MTMR8: variants seen among roughly 807,000 people sequenced by gnomAD.
MTMR8 encodes the protein phosphatidylinositol-3,5-bisphosphate 3-phosphatase MTMR8.
MTMR8 carries 65 observed loss-of-function variants against 39.3 expected under a neutral mutation model. The ratio of observed to expected loss-of-function variants is 1.65; its 90% CI spans 1.35 to 2.03. The LOEUF (loss-of-function observed/expected upper bound fraction) is 2.03, where lower values mean the gene tolerates loss of function less well. Among genes scored for constraint, MTMR8 ranks in the 30% most tolerant of loss-of-function variants. The pLI, the probability that MTMR8 is intolerant of heterozygous loss-of-function variation, is 0.00. For missense variants in MTMR8, 777 were observed against 538.9 expected (o/e 1.44, Z -4.37); for synonymous variants, 245 against 185.2 (o/e 1.32, Z -2.62).
At position 64,345,171 on chromosome X, in the gene MTMR8, C is replaced by T. The variant is rs768174114; in HGVS notation, c.739G>A (p.Ala247Thr). ...TTCCCAGCTGCTCGGTTGGCCATGG[C>T]ATTCAACTGCAATAGCAGAGGACAT... is the stretch of plus-strand genomic sequence containing the variant. ...YVVDTRPKLNAMANRAAGKGY... is the reference protein window; with the variant it reads ...YVVDTRPKLNTMANRAAGKGY... Residue 247 changes from alanine to threonine, a missense_variant, in exon 7 of 14, where the codon GCC becomes ACC. Transcript: ENST00000374852. 1 of 1,210,578 alleles carries T rather than the reference C, an allele frequency of 8.3e-7. No homozygotes were observed. Among genetic ancestry groups the T allele is most frequent in the Non-Finnish European group, 1.1e-6 (1 of 894,719 alleles).
Position 64,395,422 on chromosome X carries a change from T to C in MTMR8, c.-59A>G. The C allele has an allele frequency of 2.6e-6, 3 of 1,152,311 alleles. No individual in the cohort carries two copies. Among genetic ancestry groups the C allele is most frequent in the Non-Finnish European group, 3.5e-6 (3 of 846,059 alleles). 95.0% of individuals were successfully genotyped at this position (1,152,311 alleles called of 1,213,427 possible). On this transcript the variant is annotated 5_prime_UTR_variant, in exon 1 of 14. Transcript: ENST00000374852. ...CTACTCCAGATGCCGCCGCCACCGG[T>C]CTAGCCGCCTCCTGCCTCAACCCGG...
chrX:64,328,810 A>G lies in MTMR8; in HGVS notation c.1443T>C (p.Tyr481=), dbSNP rs1439385216. 8.3e-7 allele frequency: 1 copy of G among 1,200,262 alleles called. No homozygotes were observed. The highest frequency in any genetic ancestry group is 1.8e-5 in the African/African-American group (1 of 57,052). ...RNPLYKGFTM[Y]GVLNPSTVPY... is the part of the protein sequence containing the mutation. ...GCACAGTACTAGGATTGAGTACCCCATACATAGTGAAGCCTTTATAGAGAG... is the reference window on the plus strand; with the variant it reads ...GCACAGTACTAGGATTGAGTACCCCGTACATAGTGAAGCCTTTATAGAGAG... Residue 481 remains tyrosine (Y), a synonymous_variant, in exon 12 of 14, where the codon TAT becomes TAC. Coordinates refer to ENST00000374852, the MANE Select transcript of MTMR8 (RefSeq NM_017677.4).
intron 1 of MTMR8, among the ~76,000 whole-genome samples, chrX:64,365,277 T>C (rs1923915584): frequency 9.1e-6 from 1 of 109,470 alleles, no homozygotes; most frequent in Non-Finnish European, 1.9e-5. Context: ...AAGATACTCC[T>C]CGAGAAGAAC....
chrX:64,377,516 G>A (rs1026366523), intron 1 of MTMR8, among the ~76,000 whole-genome samples: 10 of 112,539 alleles, frequency 8.9e-5, no homozygotes, highest in African/African-American at 3.2e-4. Flanking sequence ...CTACGCTGCT[G>A]GGTTTCAAAC....
chrX:64,343,986 G>T (rs1328192323), intron 7 of MTMR8, among the ~76,000 whole-genome samples: 1 of 110,576 alleles, frequency 9.0e-6, no homozygotes, highest in African/African-American at 3.3e-5. Flanking sequence ...GACTGAATTA[G>T]CATCTACAGG....
chrX:64,304,860 T>TCATATATA (rs1213473988), intron 12 of MTMR8, among the ~76,000 whole-genome samples: 3 of 28,564 alleles, frequency 1.1e-4, no homozygotes, highest in African/African-American at 2.1e-4. Context: ...GATCAAACAT[T>TCATATATA]TATATATATA....
chrX:64,385,948 G>A (rs551964821), intron 1 of MTMR8, among the ~76,000 whole-genome samples: 81 of 110,993 alleles, frequency 7.3e-4, no homozygotes, highest in African/African-American at 2.6e-3. Flanking sequence ...AAACCAATAG[G>A]GAGTCACTCA....
At chrX:64,346,251 T>G (rs1453682125) in intron 6 of MTMR8, among the ~76,000 whole-genome samples, 1 of 111,419 alleles carries the variant, frequency 9.0e-6, no homozygotes, top group Non-Finnish European at 1.9e-5. Flanking sequence ...GGAGCATGTA[T>G]GTGGACAGGG....
At chrX:64,300,156 A>C (rs923356373) in intron 12 of MTMR8, among the ~76,000 whole-genome samples, 19 of 106,440 alleles carry the variant, frequency 1.8e-4, no homozygotes, top group African/African-American at 6.2e-4. Context: ...TGTCTCATTG[A>C]TCTGTCTAAT....
chrX:64,327,634 A>G (rs1922832680), intron 12 of MTMR8, among the ~76,000 whole-genome samples: 1 of 112,499 alleles, frequency 8.9e-6, no homozygotes. Flanking sequence ...CTAAAAATAT[A>G]AAAAGAGAAC....
At chrX:64,300,434 G>T (rs1160292161) in intron 12 of MTMR8, among the ~76,000 whole-genome samples, 25 of 110,787 alleles carry the variant, frequency 2.3e-4, no homozygotes, top group Admixed American at 3.9e-4. Flanking sequence ...GCTTGGTAGA[G>T]CTTCCTCCAT....
chrX:64,345,302 T>C (rs1415174476), intron 6 of MTMR8, 125 bp from the exon 7 acceptor site: 1 of 666,454 alleles, frequency 1.5e-6, no homozygotes, highest in African/African-American at 2.2e-5. Context: ...TTAAATCAGA[T>C]GAGATACATT....
intron 2 of MTMR8, 145 bp from the exon 3 acceptor site, chrX:64,356,483 A>G: frequency 2.0e-6 from 1 of 505,563 alleles, no homozygotes. Flanking sequence ...TGTAAGACAC[A>G]ACTGGGGTTC....
At position 64,350,065 on chromosome X, in the gene MTMR8, G is replaced by A. The variant is rs1335527264; in HGVS notation, c.474C>T (p.Cys158=). The part of the protein sequence containing the change: ...ITDANRNYEI[C]STYPPEIVVP... ...CCACTATTTCAGGAGGGTAGGTGCT[G>A]CATATCTAAAAGAAAATAAGCACAA... The change falls in exon 5 of 14, where the codon TGC becomes TGT. Residue 158 remains cysteine, a synonymous_variant. Transcript: ENST00000374852. 1 of 1,117,971 alleles carries A rather than the reference G, an allele frequency of 8.9e-7. No individual in the cohort carries two copies. The highest frequency in any genetic ancestry group is 1.2e-6 in the Non-Finnish European group (1 of 839,756). The allele number at this position is 1,117,971 out of a possible 1,213,427, so 92.1% of individuals were successfully genotyped here. A position where few individuals can be genotyped will look rare whatever the true frequency, so the allele number is the denominator to read the frequency against.
chrX:64,393,863 A>G (rs1328139014), intron 1 of MTMR8, among the ~76,000 whole-genome samples: 10 of 112,494 alleles, frequency 8.9e-5, no homozygotes, highest in African/African-American at 2.9e-4. Flanking sequence ...GCAAAACATT[A>G]CTAGTTACAA....
rs776778440 is a variant in MTMR8, at chrX:64,373,327, G to A, written c.25-13800C>T. Among the ~76,000 whole-genome samples the A allele has an allele frequency of 5.4e-5, 6 of 111,502 alleles. No homozygotes were observed. The East Asian group carries it at 1.1e-3, about 21-fold the overall frequency. On this transcript the variant is annotated intron_variant, in intron 1 of 13. Coordinates refer to ENST00000374852, the MANE Select transcript of MTMR8 (RefSeq NM_017677.4). ...GCCCAGTGGGAGGTGATTAGATCAC[G>A]AGGGCAGATTTCCCCCTGGCTGTTC...
intron 12 of MTMR8, among the ~76,000 whole-genome samples, chrX:64,292,588 A>G (rs1921437327): frequency 9.0e-6 from 1 of 110,522 alleles, no homozygotes; most frequent in African/African-American, 3.3e-5. Flanking sequence ...AGGATCATTT[A>G]CCCTCTGCTT....
chrX:64,361,708 A>T (rs1395627763), intron 1 of MTMR8, among the ~76,000 whole-genome samples: 1 of 111,679 alleles, frequency 9.0e-6, no homozygotes, highest in Non-Finnish European at 1.9e-5. Flanking sequence ...TATACAAAAA[A>T]CCTACAAAGT....
intron 12 of MTMR8, among the ~76,000 whole-genome samples, chrX:64,310,864 T>C (rs1174391169): frequency 8.9e-6 from 1 of 112,207 alleles, no homozygotes; most frequent in East Asian, 2.8e-4. Context: ...TATTCCATGG[T>C]GTATATGTGC....
Sources: gnomAD v4.1 joint callset for allele counts (sites outside exome capture counted in the v4.1 genomes callset) on GRCh38, gnomAD v4.1.1 for gene constraint, MANE v1.5 for transcripts, NCBI Gene and HGNC (gene_info 2026-07-23, HGNC 2026-07-21) for gene names.